Variants in DHRS12 observed in about 807,000 individuals in gnomAD.
DHRS12 encodes dehydrogenase/reductase 12, also known as dehydrogenase/reductase SDR family member 12.
DHRS12 carries 29 observed loss-of-function variants against 32.1 expected under a neutral mutation model. That is an observed-to-expected ratio of 0.90 (90% CI 0.67 to 1.23). The LOEUF (loss-of-function observed/expected upper bound fraction) is 1.23. Ranked by LOEUF, DHRS12 falls within the 50% of genes most tolerant of loss-of-function variation. DHRS12 has a pLI of 0.00. For synonymous variants in DHRS12, 150 were observed against 135.9 expected (o/e 1.10, Z -0.72); for missense variants, 330 against 337.2 (o/e 0.98, Z 0.17).
intron 5 of DHRS12, 67 bp downstream of exon 5, chr13:51,776,993 A>C (rs1200093515): frequency 6.3e-7 from 1 of 1,580,778 alleles, no homozygotes; most frequent in Non-Finnish European, 8.7e-7. Context: ...CAGCAAACCT[A>C]GGCCCACTGA....
At chr13:51,798,062 T>C (rs931952021) in intron 2 of DHRS12, among the ~76,000 whole-genome samples, 2 of 152,146 alleles carry the variant, frequency 1.3e-5, no homozygotes, top group Non-Finnish European at 2.9e-5. Context: ...GCAAGGGCGA[T>C]GGTGAGGGAG....
At chr13:51,783,611 C>G (rs1353081893) in intron 4 of DHRS12, among the ~76,000 whole-genome samples, 1 of 152,094 alleles carries the variant, frequency 6.6e-6, no homozygotes, top group Non-Finnish European at 1.5e-5. Context: ...CCCAGATGTT[C>G]CCTCACAGCC....
At chr13:51,767,981 C>A, downstream of DHRS12, 1 of 1,370,632 alleles carries the variant, frequency 7.3e-7, no homozygotes, top group Non-Finnish European at 9.4e-7. Context: ...AGAAAAGAAC[C>A]TGCTGCAGGA....
downstream of DHRS12, chr13:51,766,264 G>A (rs1251742330): frequency 6.6e-6 from 1 of 152,132 alleles, no homozygotes; most frequent in Non-Finnish European, 1.5e-5. Flanking sequence ...TACAAAAACC[G>A]TTACTAACTG....
At chr13:51,775,936 C>T (rs144175307) in intron 5 of DHRS12, 2,949 of 39,758 alleles carry the variant, frequency 0.074, 43 homozygotes, top group African/African-American at 0.13. Context: ...CCTACATGTA[C>T]TCTACAGTAT....
At chr13:51,772,393 C>G (rs749388314) in intron 6 of DHRS12, among the ~76,000 whole-genome samples, 2 of 152,030 alleles carry the variant, frequency 1.3e-5, no homozygotes, top group Non-Finnish European at 2.9e-5. Flanking sequence ...CTTTGGGAGG[C>G]GGGACGATCA....
intron 4 of DHRS12, chr13:51,789,425 GGC>G: frequency 1.9e-6 from 1 of 516,956 alleles, no homozygotes; most frequent in Non-Finnish European, 2.5e-6. Flanking sequence ...TTTAACTCTT[GGC>G]CTCATTCCAG....
chr13:51,797,752 G>A, intron 2 of DHRS12: 1 of 1,439,764 alleles, frequency 6.9e-7, no homozygotes, highest in Non-Finnish European at 9.4e-7. Flanking sequence ...AGGGAAAGCG[G>A]GTAGGAGTCC....
chr13:51,777,282 A>C, intron 4 of DHRS12, 161 bp from the exon 5 acceptor site: 1 of 677,236 alleles, frequency 1.5e-6, no homozygotes. Flanking sequence ...CTTCAAGCCA[A>C]ATGTTCCTTT....
downstream of DHRS12, chr13:51,767,519 T>C (rs544885052): frequency 1.3e-5 from 2 of 152,184 alleles, no homozygotes; most frequent in Non-Finnish European, 2.9e-5. Context: ...ACACCAAGAA[T>C]GTATGTAGAT....
At chr13:51,794,100 T>A (rs1437047946) in intron 2 of DHRS12, among the ~76,000 whole-genome samples, 2 of 152,240 alleles carry the variant, frequency 1.3e-5, no homozygotes, top group Non-Finnish European at 2.9e-5. Context: ...GGCAGTCTGC[T>A]GTGGCCAGGA....
chr13:51,778,855 A>G (rs1954567844), intron 4 of DHRS12, among the ~76,000 whole-genome samples: 1 of 152,150 alleles, frequency 6.6e-6, no homozygotes, highest in Non-Finnish European at 1.5e-5. Flanking sequence ...GAGAAACACA[A>G]TAATAATCTG....
the DHRS12 span, among the ~76,000 whole-genome samples, chr13:51,758,552 T>TAAAAAAAAAAAA: frequency 7.8e-6 from 1 of 127,722 alleles, no homozygotes; most frequent in Non-Finnish European, 1.7e-5. Flanking sequence ...CCTCATCTCT[T>TAAAAAAAAAAAA]AAAAAAAAAA....
chr13:51,796,360 G>A (rs1018475402), intron 2 of DHRS12, among the ~76,000 whole-genome samples: 1 of 152,150 alleles, frequency 6.6e-6, no homozygotes, highest in African/African-American at 2.4e-5. Flanking sequence ...CATCCTGGAC[G>A]CTCCACCTCT....
At chr13:51,770,516 G>C (rs1037614186) in intron 7 of DHRS12, among the ~76,000 whole-genome samples, 1 of 152,192 alleles carries the variant, frequency 6.6e-6, no homozygotes, top group Admixed American at 6.5e-5. Context: ...TGGACAGGCA[G>C]AACCAAGCAT....
the DHRS12 span, among the ~76,000 whole-genome samples, chr13:51,757,218 T>G: frequency 1.3e-5 from 2 of 152,208 alleles, no homozygotes; most frequent in Non-Finnish European, 2.9e-5. Flanking sequence ...AGTATGCATT[T>G]ATGTTCATTG....
intron 5 of DHRS12, 123 bp downstream of exon 5, chr13:51,776,937 G>T: frequency 9.3e-7 from 1 of 1,076,600 alleles, no homozygotes; most frequent in Non-Finnish European, 1.4e-6. Flanking sequence ...CAGAATTGAG[G>T]TTTTGCTGTG....
chr13:51,792,991 T>C (rs1175944333), intron 2 of DHRS12, among the ~76,000 whole-genome samples: 1 of 152,038 alleles, frequency 6.6e-6, no homozygotes, highest in East Asian at 1.9e-4. Context: ...ATAAATAAGA[T>C]GACAACTTCT....
intron 4 of DHRS12, chr13:51,789,613 C>G (rs1367945070): frequency 4.1e-6 from 4 of 985,432 alleles, no homozygotes; most frequent in Non-Finnish European, 4.8e-6. Context: ...TATCTGTGCT[C>G]TAGCCAATGC....
Sources: gnomAD v4.1 joint callset for allele counts (sites outside exome capture counted in the v4.1 genomes callset) on GRCh38, gnomAD v4.1.1 for gene constraint, MANE v1.5 for transcripts, NCBI Gene and HGNC (gene_info 2026-07-23, HGNC 2026-07-21) for gene names.